The following LIG3 variants were observed in gnomAD, a reference collection of about 807,000 sequenced individuals.
The protein encoded by LIG3 is ligase II, DNA, ATP-dependent.
LIG3 carries 58 observed loss-of-function variants against 110.9 expected under a neutral mutation model. The observed-to-expected ratio is 0.52, with a 90% CI of 0.42 to 0.65. The LOEUF (loss-of-function observed/expected upper bound fraction) is 0.65, where lower values mean the gene tolerates loss of function less well. LIG3 is among the 30% of genes least tolerant of loss of function. The probability of loss-of-function intolerance (pLI) is 0.00; values close to 1 mark genes in which losing one functional copy is unlikely to be tolerated. For synonymous variants in LIG3, 422 were observed against 472.8 expected, an observed-to-expected ratio of 0.89 and a Z score of 1.39; for missense variants, 1,094 against 1,273.8, an observed-to-expected ratio of 0.86 and a Z score of 2.15.
chr17:35,001,882 C>A, intron 17 of LIG3, 27 bp from the exon 18 acceptor site: 1 of 1,598,382 alleles, frequency 6.3e-7, no homozygotes, highest in South Asian at 1.1e-5. Context: ...CAATGAAACC[C>A]TCTGACATTG....
chr17:34,991,101 G>A lies in LIG3; in HGVS notation c.1028G>A (p.Arg343Gln), dbSNP rs370882864. The A allele has an allele frequency of 2.7e-5, 44 of 1,614,072 alleles. No homozygotes were observed. Among genetic ancestry groups the A allele is most frequent in the African/African-American group, 2.0e-4 (15 of 75,004 alleles). The stretch of plus-strand genomic sequence containing the variant: ...AACTGCAACCCAGATGATATGGCAC[G>A]GGACCTAGAGCAGGTCAGAGGAACG... ...IFNCNPDDMA[R>Q]DLEQGDVSET... Residue 343 changes from arginine to glutamine, a missense_variant, in exon 5 of 20, where the codon CGG becomes CAG. Coordinates refer to ENST00000378526, the MANE Select transcript of LIG3 (RefSeq NM_013975.4).
At position 35,004,985 on chromosome 17, in the gene LIG3, CG is replaced by C. The variant is rs1480216737; in HGVS notation, c.*481del. 1.8e-5 allele frequency: 5 copies of C among 283,158 alleles called. No homozygotes were observed. Among genetic ancestry groups the C allele is most frequent in the African/African-American group, 8.7e-5 (4 of 45,986 alleles). The allele number at this position is 283,158 out of a possible 1,614,324, so 17.5% of individuals were successfully genotyped here. Reference sequence around the variant, plus strand: ...TGCCCTCGGAAATGCTTCTGTTTAGCGGAACTTGTATTCAGCCTGACACGCT... The same window carrying C: ...TGCCCTCGGAAATGCTTCTGTTTAGCGAACTTGTATTCAGCCTGACACGCT... On this transcript the variant is annotated 3_prime_UTR_variant, in exon 20 of 20. Transcript: ENST00000378526.
intron 3 of LIG3, among the ~76,000 whole-genome samples, chr17:34,989,004 C>T (rs2090688374): frequency 6.6e-6 from 1 of 151,820 alleles, no homozygotes; most frequent in Non-Finnish European, 1.5e-5. Flanking sequence ...CTCTGAGATC[C>T]TTCTGACCAC....
At chr17:34,986,695 C>A (rs1222420711) in intron 3 of LIG3, among the ~76,000 whole-genome samples, 1 of 152,190 alleles carries the variant, frequency 6.6e-6, no homozygotes, top group Non-Finnish European at 1.5e-5. Flanking sequence ...TTTGTCAAGA[C>A]TTTTTCCCCT....
rs2090923054 is a variant in LIG3 at position 35,009,634 on chromosome 17, A to T, written c.*5128A>T. On this transcript the variant is annotated 3_prime_UTR_variant, in exon 20 of 20. Coordinates refer to ENST00000378526, the MANE Select transcript of LIG3 (RefSeq NM_013975.4). Reference sequence around the variant, plus strand: ...GTTTGACACCTTTTTTCCTAAAGGGAAACCTTCACCAAAAGGGGATAAAAG... The same window carrying T: ...GTTTGACACCTTTTTTCCTAAAGGGTAACCTTCACCAAAAGGGGATAAAAG... 1 of 151,910 alleles carries T rather than the reference A, an allele frequency of 6.6e-6. No individual in the cohort carries two copies. Among genetic ancestry groups the T allele is most frequent in the African/African-American group, 2.4e-5 (1 of 41,374 alleles). 9.4% of individuals were successfully genotyped at this position (151,910 alleles called of 1,614,324 possible). A position where few individuals can be genotyped will look rare whatever the true frequency, so the allele number is the denominator to read the frequency against.
At chr17:34,994,255 C>T in intron 8 of LIG3, 21 bp from the exon 9 acceptor site, 1 of 1,604,880 alleles carries the variant, frequency 6.2e-7, no homozygotes, top group Non-Finnish European at 8.5e-7. Context: ...AGTCTCCAGG[C>T]TTTGCTTTCC....
At chr17:34,992,111 T>G in intron 7 of LIG3, 76 bp downstream of exon 7, 1 of 1,287,372 alleles carries the variant, frequency 7.8e-7, no homozygotes, top group African/African-American at 1.5e-5. Context: ...TCAGGACTTT[T>G]GAGTCCCAGT....
At chr17:34,997,607 C>A in intron 11 of LIG3, 131 bp from the exon 12 acceptor site, 1 of 684,156 alleles carries the variant, frequency 1.5e-6, no homozygotes. Flanking sequence ...AACTGTTACA[C>A]ATGAGGTCTT....
intron 1 of LIG3, 48 bp from the exon 2 acceptor site, chr17:34,982,951 CCTT>C: frequency 7.0e-7 from 1 of 1,434,860 alleles, no homozygotes; most frequent in South Asian, 1.4e-5. Flanking sequence ...AAGCCTATCT[CCTT>C]GTTTATATCT....
Position 34,999,160 on chromosome 17 carries a change from A to G in LIG3, c.2114-147A>G, listed in dbSNP as rs1210609738. ...GGAAATTGGGGCTTATAAAGGTTAA[A>G]ATTACACAGTTAGTAAGAGGTAGCT... On this transcript the variant is annotated intron_variant, in intron 14 of 19. Coordinates refer to ENST00000378526, the MANE Select transcript of LIG3 (RefSeq NM_013975.4). The G allele has an allele frequency of 5.6e-6, 5 of 893,158 alleles. No individual in the cohort carries two copies. In the Admixed American group the frequency reaches 1.5e-4, roughly 26 times the overall value. 55.3% of individuals were successfully genotyped at this position (893,158 alleles called of 1,614,324 possible).
intron 8 of LIG3, 80 bp downstream of exon 8, chr17:34,992,772 G>GC: frequency 1.5e-6 from 2 of 1,349,018 alleles, no homozygotes; most frequent in South Asian, 1.6e-5. Context: ...TAGGGTATGA[G>GC]TGTTGAGAGC....
chr17:35,010,744 T>TAAAAA (rs2090932534), downstream of LIG3: 1 of 63,028 alleles, frequency 1.6e-5, no homozygotes, highest in African/African-American at 1.0e-4. Flanking sequence ...AGAGTGAGAC[T>TAAAAA]CAAAAAAAAA....
At position 35,002,222 on chromosome 17, in the gene LIG3, GCAGTGGACACAGA is replaced by G. The variant is rs2090851165; in HGVS notation, c.2674+120_2674+132del. ...GATCTCATGATTATCTGTGTCCACT[GCAGTGGACACAGA>G]CTACATTCCTGGTGTGTGTCCAGCC... On this transcript the variant is annotated intron_variant, in intron 18 of 19. Transcript: ENST00000378526. 5 of 883,864 alleles carry G rather than the reference GCAGTGGACACAGA, an allele frequency of 5.7e-6. No homozygotes were observed. The Admixed American group carries it at 1.6e-4, about 28-fold the overall frequency. The allele number at this position is 883,864 out of a possible 1,614,324, so 54.8% of individuals were successfully genotyped here. A position where few individuals can be genotyped will look rare whatever the true frequency, so the allele number is the denominator to read the frequency against.
At chr17:34,998,443 TG>T in intron 13 of LIG3, 147 bp downstream of exon 13, 1 of 1,108,074 alleles carries the variant, frequency 9.0e-7, no homozygotes, top group Non-Finnish European at 1.3e-6. Flanking sequence ...GTCCTGGATC[TG>T]GAGGACTGCT....
intron 7 of LIG3, 107 bp downstream of exon 7, chr17:34,992,142 C>A: frequency 1.1e-6 from 1 of 926,852 alleles, no homozygotes; most frequent in Non-Finnish European, 1.7e-6. Flanking sequence ...ATCCCCCTTC[C>A]ACCTTCTTAC....
chr17:34,993,419 G>A (rs969860698), intron 8 of LIG3, among the ~76,000 whole-genome samples: 1 of 152,248 alleles, frequency 6.6e-6, no homozygotes, highest in Non-Finnish European at 1.5e-5. Context: ...ATGTGGGATA[G>A]CCAGCATCAA....
intron 1 of LIG3, chr17:34,981,398 C>T (rs1167575994): frequency 2.0e-5 from 3 of 152,212 alleles, no homozygotes; most frequent in Non-Finnish European, 4.4e-5. Context: ...TTATATAGCC[C>T]TTTGTGAATA....
At chr17:35,000,726 T>C (rs970507385) in intron 16 of LIG3, among the ~76,000 whole-genome samples, 2 of 142,954 alleles carry the variant, frequency 1.4e-5, no homozygotes, top group Non-Finnish European at 3.0e-5. Flanking sequence ...AGCAGTTCTC[T>C]CACCTCAGTC....
chr17:34,999,000 A>G, intron 14 of LIG3: 1 of 507,074 alleles, frequency 2.0e-6, no homozygotes, highest in Non-Finnish European at 3.5e-6. Flanking sequence ...TCCTCAGGCA[A>G]AATCTCTTTC....
Sources: gnomAD v4.1 joint callset for allele counts (sites outside exome capture counted in the v4.1 genomes callset) on GRCh38, gnomAD v4.1.1 for gene constraint, MANE v1.5 for transcripts, NCBI Gene and HGNC (gene_info 2026-07-23, HGNC 2026-07-21) for gene names.